SMAD6: variants seen among roughly 807,000 people sequenced by gnomAD.
SMAD6 encodes MAD homolog 6.
SMAD6 carries 103 observed loss-of-function variants against 39.4 expected under a neutral mutation model. The observed-to-expected ratio is 2.62, with a 90% CI of 2.23 to 3.08. The LOEUF is 3.08. Among genes scored for constraint, SMAD6 ranks in the 30% most tolerant of loss-of-function variants. The probability of loss-of-function intolerance (pLI) is 0.00; values close to 1 mark genes in which losing one functional copy is unlikely to be tolerated. For missense variants in SMAD6, 1,104 were observed against 742.9 expected, an observed-to-expected ratio of 1.49 and a Z score of -5.65; for synonymous variants, 445 against 353.3, an observed-to-expected ratio of 1.26 and a Z score of -2.91.
At chr15:66,780,115 A>G (rs746524977) in intron 3 of SMAD6, among the ~76,000 whole-genome samples, 12 of 152,124 alleles carry the variant, frequency 7.9e-5, no homozygotes, top group Admixed American at 1.3e-4. Flanking sequence ...CACACCTTCA[A>G]TTGCTGGGCA....
chr15:66,702,962 A>C lies in SMAD6; in HGVS notation c.-297A>C. ...GCGGCGCGCCGCCTGCAGCCCCCCT[A>C]AAGCGCGGGGGCTGGAGTTGTTGAG... On this transcript the variant is annotated 5_prime_UTR_variant, in exon 1 of 4. Coordinates refer to ENST00000288840, the MANE Select transcript of SMAD6 (RefSeq NM_005585.5). 2 of 273,754 alleles carry C rather than the reference A, an allele frequency of 7.3e-6. No homozygotes were observed. Among genetic ancestry groups the C allele is most frequent in the Admixed American group, 5.4e-5 (1 of 18,682 alleles). The allele number at this position is 273,754 out of a possible 1,614,324, so 17.0% of individuals were successfully genotyped here.
rs1486925558 is a variant in SMAD6, at chr15:66,717,480, T to A, written c.952+982T>A. On this transcript the variant is annotated intron_variant, in intron 3 of 3. Coordinates refer to ENST00000288840, the MANE Select transcript of SMAD6 (RefSeq NM_005585.5). ...GGGTTTGTGCTCTTCATCACTGTTT[T>A]GTCCCCCACTTTTCTGCAAGGGCCA... is the stretch of plus-strand genomic sequence containing the variant. 6.6e-6 allele frequency: 3 copies of A among 451,286 alleles called. No homozygotes were observed. In the East Asian group the frequency reaches 2.1e-4, roughly 32 times the overall value. 28.0% of individuals were successfully genotyped at this position (451,286 alleles called of 1,614,324 possible). A position where few individuals can be genotyped will look rare whatever the true frequency, so the allele number is the denominator to read the frequency against.
At chr15:66,775,180 GC>G (rs1170359930) in intron 3 of SMAD6, among the ~76,000 whole-genome samples, 2 of 151,972 alleles carry the variant, frequency 1.3e-5, no homozygotes, top group Non-Finnish European at 2.9e-5. Flanking sequence ...GATTTACGTC[GC>G]CGTAGATTAG....
chr15:66,781,008 T>C lies in SMAD6; in HGVS notation c.964T>C (p.Ser322Pro). Residue 322 changes from serine (S) to proline (P), a missense_variant, in exon 4 of 4, where the codon TCT becomes CCT. By Grantham distance (74) the Ser-to-Pro change is moderately conservative. Coordinates refer to ENST00000288840, the MANE Select transcript of SMAD6 (RefSeq NM_005585.5). ...TGCTTGTCCCGCAGACGCCAGCATG[T>C]CTCCGGACGCCACCAAGCCGAGCCA... The part of the protein sequence containing the change: ...APGEFSDASM[S>P]PDATKPSHWC... 1.3e-6 allele frequency: 2 copies of C among 1,573,802 alleles called. No homozygotes were observed. Among genetic ancestry groups the C allele is most frequent in the Non-Finnish European group, 8.6e-7 (1 of 1,165,218 alleles).
chr15:66,711,344 A>C (rs545852819), intron 1 of SMAD6, among the ~76,000 whole-genome samples: 1 of 152,212 alleles, frequency 6.6e-6, no homozygotes, highest in Non-Finnish European at 1.5e-5. Flanking sequence ...AGCATTTTAC[A>C]TACATTATCC....
rs763230117 is a variant in SMAD6, at chr15:66,781,252, A to T, written c.1208A>T (p.Tyr403Phe). The change falls in exon 4 of 4, where the codon TAC becomes TTC. Residue 403 changes from tyrosine (Y) to phenylalanine (F), a missense_variant. Tyr to Phe is a conservative substitution (Grantham distance 22). Transcript: ENST00000288840. Reference sequence around the variant, plus strand: ...AAGGAGCCCGACGGCGTGTGGGCCTACAACCGCGGCGAGCACCCCATCTTC... The same window carrying T: ...AAGGAGCCCGACGGCGTGTGGGCCTTCAACCGCGGCGAGCACCCCATCTTC... ...LSKEPDGVWA[Y>F]NRGEHPIFVN... is the part of the protein sequence containing the mutation. 1 of 1,608,382 alleles carries T rather than the reference A, an allele frequency of 6.2e-7. No homozygotes were observed.
At chr15:66,767,597 T>C (rs1451366419) in intron 3 of SMAD6, among the ~76,000 whole-genome samples, 1 of 152,268 alleles carries the variant, frequency 6.6e-6, no homozygotes, top group Non-Finnish European at 1.5e-5. Context: ...AGCCATGTAC[T>C]TCTGCCAAGC....
chr15:66,756,676 A>ATTGGACTG (rs1555438114), intron 3 of SMAD6, among the ~76,000 whole-genome samples: 95 of 26,256 alleles, frequency 3.6e-3, no homozygotes, highest in African/African-American at 0.015. Context: ...GCCAGTGGAG[A>ATTGGACTG]TTGGGGCCAG....
intron 3 of SMAD6, among the ~76,000 whole-genome samples, chr15:66,725,409 T>G (rs1280813421): frequency 3.3e-5 from 5 of 152,142 alleles, no homozygotes; most frequent in Non-Finnish European, 1.5e-5. Flanking sequence ...TTGGTAGCAG[T>G]TTCTAGATTT....
chr15:66,774,726 A>G (rs1894436138), intron 3 of SMAD6, among the ~76,000 whole-genome samples: 2 of 152,208 alleles, frequency 1.3e-5, no homozygotes. Flanking sequence ...CAGATGCCCA[A>G]GTTCCCATGG....
intron 1 of SMAD6, chr15:66,708,135 C>CT (rs1893155267): frequency 1.3e-5 from 2 of 152,406 alleles, no homozygotes; most frequent in Admixed American, 1.3e-4. Flanking sequence ...TTTCTGATGT[C>CT]TTTCTGTCTC....
chr15:66,733,864 T>C (rs1893670374), intron 3 of SMAD6, among the ~76,000 whole-genome samples: 1 of 152,226 alleles, frequency 6.6e-6, no homozygotes, highest in South Asian at 2.1e-4. Flanking sequence ...TGGGCACTGA[T>C]GTTCACATAA....
chr15:66,759,647 T>G (rs1168441959), intron 3 of SMAD6, among the ~76,000 whole-genome samples: 1 of 152,236 alleles, frequency 6.6e-6, no homozygotes, highest in Non-Finnish European at 1.5e-5. Context: ...TTTTATTTTT[T>G]AAACTAGAGT....
At chr15:66,708,861 A>G in intron 1 of SMAD6, 1 of 419,002 alleles carries the variant, frequency 2.4e-6, no homozygotes, top group East Asian at 7.3e-5. Context: ...ATGGTTGCAC[A>G]ACACTGTGAA....
At chr15:66,709,417 C>G (rs1317362392) in intron 1 of SMAD6, among the ~76,000 whole-genome samples, 3 of 152,180 alleles carry the variant, frequency 2.0e-5, no homozygotes, top group Admixed American at 6.5e-5. Flanking sequence ...GGTAGCTCTT[C>G]CAGGTGGGAC....
chr15:66,747,871 C>T lies in SMAD6; in HGVS notation c.952+31373C>T, dbSNP rs1161003312. ...CCCTCGTAGGAACCCTTAATCCTTC[C>T]CATTCTCACCCCTGCAGAGATGGCC... On this transcript the variant is annotated intron_variant, in intron 3 of 3. Transcript: ENST00000288840. The surrounding 1 kb of genome is among the most constrained non-coding windows in gnomAD (Gnocchi z 4.5). 6.6e-6 allele frequency among the ~76,000 whole-genome samples: 1 copy of T among 152,122 alleles called. No individual in the cohort carries two copies. Among genetic ancestry groups the T allele is most frequent in the African/African-American group, 2.4e-5 (1 of 41,412 alleles).
At chr15:66,712,517 A>T (rs1319913221) in intron 2 of SMAD6, among the ~76,000 whole-genome samples, 1 of 152,098 alleles carries the variant, frequency 6.6e-6, no homozygotes, top group African/African-American at 2.4e-5. Flanking sequence ...TGTCTCTACT[A>T]AAAATACAAA....
chr15:66,710,786 T>G lies in SMAD6; in HGVS notation c.818-882T>G, dbSNP rs202169113. 9.5e-4 allele frequency among the ~76,000 whole-genome samples: 144 copies of G among 151,686 alleles called. 1 individual carries two copies. Among genetic ancestry groups the G allele is most frequent in the Non-Finnish European group, 1.6e-3 (106 of 67,830 alleles). On this transcript the variant is annotated intron_variant, in intron 1 of 3. Coordinates refer to ENST00000288840, the MANE Select transcript of SMAD6 (RefSeq NM_005585.5). ...TTTAAGGAGAAGTATTTTAGGCAAA[T>G]GAAACCCAAAGAAAAATATCATAGA...
Position 66,704,068 on chromosome 15 carries a change from C to T in SMAD6, c.810C>T (p.Cys270=), listed in dbSNP as rs1414192471. ...ACCCCTACCACTTCAGCCGGCTCTG[C>T]GGGCCCGGTGAGCGCGCTGCGCCGG... ...CCNPYHFSRL[C]GPESPPPPYS... Residue 270 remains cysteine (C), a synonymous_variant, in exon 1 of 4, where the codon TGC becomes TGT. Coordinates refer to ENST00000288840, the MANE Select transcript of SMAD6 (RefSeq NM_005585.5). 6.7e-6 allele frequency: 10 copies of T among 1,491,054 alleles called. No individual in the cohort carries two copies. The highest frequency in any genetic ancestry group is 2.2e-5 in the Admixed American group (1 of 45,840). 92.4% of individuals were successfully genotyped at this position (1,491,054 alleles called of 1,614,324 possible).
Sources: allele counts gnomAD v4.1 joint callset (sites outside exome capture counted in the v4.1 genomes callset), GRCh38; gene constraint gnomAD v4.1.1; non-coding constraint Gnocchi (gnomAD v3.1); transcripts MANE v1.5; gene names NCBI Gene and HGNC (gene_info 2026-07-23, HGNC 2026-07-21).